TCF7L2: variants seen among roughly 807,000 people sequenced by gnomAD.
TCF7L2 encodes the protein transcription factor 7 like 2, also known as transcription factor 7-like 2.
In TCF7L2, 23 loss-of-function variants were observed where a neutral mutation model predicts 77.9. The ratio of observed to expected loss-of-function variants is 0.30; its 90% CI spans 0.21 to 0.42. The LOEUF (loss-of-function observed/expected upper bound fraction) is 0.42. TCF7L2 is among the 10% of genes least tolerant of loss of function. The pLI is 1.00. For synonymous variants in TCF7L2, 413 were observed against 340.2 expected (o/e 1.21, Z -2.36); for missense variants, 654 against 793.1 (o/e 0.82, Z 2.11).
intron 5 of TCF7L2, among the ~76,000 whole-genome samples, chr10:113,118,653 T>C (rs1434184206): frequency 3.1e-5 from 1 of 32,756 alleles, no homozygotes; most frequent in African/African-American, 1.9e-4. Flanking sequence ...GTTTTTTTTT[T>C]GTTTTTTTTT....
At chr10:113,033,018 C>G (rs2050510649) in intron 4 of TCF7L2, among the ~76,000 whole-genome samples, 1 of 152,190 alleles carries the variant, frequency 6.6e-6, no homozygotes, top group Non-Finnish European at 1.5e-5. Flanking sequence ...ACCTTTTTCC[C>G]CCTATATTCC....
chr10:112,956,536 A>G (rs1589642083), intron 3 of TCF7L2, among the ~76,000 whole-genome samples: 1 of 151,938 alleles, frequency 6.6e-6, no homozygotes, highest in East Asian at 1.9e-4. Flanking sequence ...TGAGGGTCTT[A>G]TTTTCAAAGG....
intron 4 of TCF7L2, among the ~76,000 whole-genome samples, chr10:112,973,367 C>G (rs762293680): frequency 6.6e-6 from 1 of 152,108 alleles, no homozygotes; most frequent in African/African-American, 2.4e-5. Flanking sequence ...AATATTCAGC[C>G]CAGGCCCTGC....
At chr10:113,084,018 T>G (rs1005485917) in intron 5 of TCF7L2, among the ~76,000 whole-genome samples, 1 of 152,204 alleles carries the variant, frequency 6.6e-6, no homozygotes, top group African/African-American at 2.4e-5. Flanking sequence ...TTTCTAAGAC[T>G]CATTTCATTT....
In TCF7L2 at chr10:113,158,159, A is replaced by G. The variant is rs1006194058; in HGVS notation, c.1318+90A>G. The G allele has an allele frequency of 5.0e-6, 7 of 1,400,242 alleles. No individual in the cohort carries two copies. The African/African-American group carries it at 8.6e-5, about 17-fold the overall frequency. 86.7% of individuals were successfully genotyped at this position (1,400,242 alleles called of 1,614,324 possible). ...TTTCCATCTGGGGGAGGCAGGAGAA[A>G]TTCAAGGCCAGGACATTGTGGGGGA... On this transcript the variant is annotated intron_variant, in intron 12 of 13. Transcript: ENST00000627217.
chr10:112,966,184 T>TTTTATATATATATATATA lies in TCF7L2; in HGVS notation c.450+1561_450+1562insTTATATATATATATATAT, dbSNP rs1554876896. 1.1e-3 allele frequency among the ~76,000 whole-genome samples: 125 copies of TTTTATATATATATATATA among 114,218 alleles called. 3 individuals are homozygous for TTTTATATATATATATATA. The highest frequency in any genetic ancestry group is 5.4e-3 in the African/African-American group (114 of 21,006). The allele number at this position is 114,218 out of a possible 152,430, so 74.9% of individuals were successfully genotyped here. On this transcript the variant is annotated intron_variant, in intron 4 of 13. Transcript: ENST00000627217. ...GAGTGAGACTCTGTCTAAAATATAT[T>TTTTATATATATATATATA]TATATATATATATATATATATATAT...
chr10:113,154,548 G>T (rs887673147), intron 11 of TCF7L2, among the ~76,000 whole-genome samples: 3 of 152,112 alleles, frequency 2.0e-5, no homozygotes, highest in Non-Finnish European at 2.9e-5. Context: ...GTGCCCCCTG[G>T]AGTTGTGCAG....
chr10:112,999,212 G>C (rs2044037218), intron 4 of TCF7L2, among the ~76,000 whole-genome samples: 1 of 152,196 alleles, frequency 6.6e-6, no homozygotes, highest in South Asian at 2.1e-4. Context: ...GGGAAGCCCT[G>C]TCTGTCCAGG....
chr10:113,041,080 A>T (rs1400133518), intron 5 of TCF7L2, among the ~76,000 whole-genome samples: 4 of 152,244 alleles, frequency 2.6e-5, no homozygotes, highest in African/African-American at 4.8e-5. Flanking sequence ...AAATCTTAAG[A>T]TGCATTCTGC....
At chr10:113,139,187 A>G (rs1055740833) in intron 5 of TCF7L2, among the ~76,000 whole-genome samples, 1 of 152,190 alleles carries the variant, frequency 6.6e-6, no homozygotes, top group African/African-American at 2.4e-5. Flanking sequence ...CCAACCAAAG[A>G]GAAAACTTCT....
At chr10:113,141,770 C>G (rs1276519707) in intron 6 of TCF7L2, among the ~76,000 whole-genome samples, 1 of 152,202 alleles carries the variant, frequency 6.6e-6, no homozygotes, top group African/African-American at 2.4e-5. Context: ...CTAAGAGGCT[C>G]CAGTCACTAC....
chr10:112,983,463 A>G (rs1339460639), intron 4 of TCF7L2, among the ~76,000 whole-genome samples: 1 of 152,162 alleles, frequency 6.6e-6, no homozygotes, highest in African/African-American at 2.4e-5. Flanking sequence ...CGACAGAGCG[A>G]GACTCTGTCT....
At chr10:113,065,691 C>G (rs1346550551) in intron 5 of TCF7L2, among the ~76,000 whole-genome samples, 1 of 152,122 alleles carries the variant, frequency 6.6e-6, no homozygotes, top group Non-Finnish European at 1.5e-5. Flanking sequence ...TCAGCTGCCT[C>G]CTTGCTTTAT....
chr10:113,025,119 A>G (rs1357441961), intron 4 of TCF7L2, among the ~76,000 whole-genome samples: 2 of 151,376 alleles, frequency 1.3e-5, no homozygotes, highest in Non-Finnish European at 2.9e-5. Flanking sequence ...GTACGGTGGC[A>G]CAATCACAGC....
chr10:113,163,811 A>G (rs887630170), intron 13 of TCF7L2, among the ~76,000 whole-genome samples: 3 of 152,004 alleles, frequency 2.0e-5, no homozygotes, highest in Non-Finnish European at 2.9e-5. Flanking sequence ...AGGACTGAGC[A>G]TGCTCCCTTA....
chr10:113,098,049 C>CAAAAAAAAA (rs34632183), intron 5 of TCF7L2, among the ~76,000 whole-genome samples: 4 of 59,356 alleles, frequency 6.7e-5, no homozygotes, highest in Non-Finnish European at 9.3e-5. Flanking sequence ...GACTCTGTCT[C>CAAAAAAAAA]AAAAAAAAAA....
Position 113,129,925 on chromosome 10 carries a change from G to A in TCF7L2, c.553-11259G>A, listed in dbSNP as rs986860026. The A allele has an allele frequency of 1.6e-5, 21 of 1,295,000 alleles. No homozygotes were observed. The African/African-American group carries it at 1.8e-4, about 11-fold the overall frequency. 80.2% of individuals were successfully genotyped at this position (1,295,000 alleles called of 1,614,324 possible). On this transcript the variant is annotated intron_variant, in intron 5 of 13. Transcript: ENST00000627217. ...AGATTTGAGTGGTAAGGGAGGCGCAGTGGCCTCCGGGGTCTCTCTGTTCCA... is the reference window on the plus strand; with the variant it reads ...AGATTTGAGTGGTAAGGGAGGCGCAATGGCCTCCGGGGTCTCTCTGTTCCA...
chr10:113,101,572 G>A (rs2061639612), intron 5 of TCF7L2, among the ~76,000 whole-genome samples: 3 of 152,062 alleles, frequency 2.0e-5, no homozygotes, highest in Admixed American at 2.0e-4. Flanking sequence ...GCTGGGCGCG[G>A]TGGCTCACGC....
chr10:113,094,173 G>C (rs763331838), intron 5 of TCF7L2, among the ~76,000 whole-genome samples: 1 of 152,194 alleles, frequency 6.6e-6, no homozygotes, highest in South Asian at 2.1e-4. Context: ...AAATTTCAGG[G>C]AAGAAGAGAC....
Sources: allele counts gnomAD v4.1 joint callset (sites outside exome capture counted in the v4.1 genomes callset), GRCh38; gene constraint gnomAD v4.1.1; transcripts MANE v1.5; gene names NCBI Gene and HGNC (gene_info 2026-07-23, HGNC 2026-07-21).